FHIP2B: variants seen among roughly 807,000 people sequenced by gnomAD.
The protein encoded by FHIP2B is FHF complex subunit HOOK-interacting protein 2B.
Under a neutral mutation model 84.0 loss-of-function variants are expected in FHIP2B, and 72 were observed. The observed-to-expected ratio is 0.86, with a 90% CI of 0.71 to 1.04. The LOEUF (loss-of-function observed/expected upper bound fraction) is 1.04. Ranked by LOEUF, FHIP2B falls within the 50% of genes least tolerant of loss-of-function variation. The probability of loss-of-function intolerance (pLI) is 0.00; values close to 1 mark genes in which losing one functional copy is unlikely to be tolerated. For synonymous variants in FHIP2B, 497 were observed against 418.7 expected (o/e 1.19, Z -2.28); for missense variants, 972 against 968.9 (o/e 1.00, Z -0.04).
Position 22,090,156 on chromosome 8 carries a change from G to GC in FHIP2B, c.45+858_45+859insC, listed in dbSNP as rs1825406270. The stretch of plus-strand genomic sequence containing the variant: ...GGTGGGGGTATTCCCGGTAGGGTGG[G>GC]GGGGGTGCCCGCTGTTGAAAGTAAC... On this transcript the variant is annotated intron_variant, in intron 1 of 16. Coordinates refer to ENST00000289921, the MANE Select transcript of FHIP2B (RefSeq NM_022749.7). Among the ~76,000 whole-genome samples the GC allele has an allele frequency of 2.2e-5, 3 of 136,624 alleles. 1 individual carries two copies. The highest frequency in any genetic ancestry group is 7.9e-5 in the African/African-American group (3 of 37,916). 89.6% of individuals were successfully genotyped at this position (136,624 alleles called of 152,430 possible). A position where few individuals can be genotyped will look rare whatever the true frequency, so the allele number is the denominator to read the frequency against.
chr8:22,096,719 C>A, intron 3 of FHIP2B: 1 of 639,482 alleles, frequency 1.6e-6, no homozygotes, highest in Non-Finnish European at 2.4e-6. Flanking sequence ...CCAGTCCTGA[C>A]ACTGAAAGTG....
At position 22,104,831 on chromosome 8, in the gene FHIP2B, T is replaced by TAAAAAAAAAAAAAAAAAA. The variant is rs60525064; in HGVS notation, c.*1901_*1918dup. ...CTGGGCAATAGAGTAAGACCCTGTCTAAAAAAAAAAAAAAAAAATTTCACA... is the reference window on the plus strand; with the variant it reads ...CTGGGCAATAGAGTAAGACCCTGTCTAAAAAAAAAAAAAAAAAAAAAAAAAAAAAAAAAAAATTTCACA... On this transcript the variant is annotated 3_prime_UTR_variant, in exon 17 of 17. Coordinates refer to ENST00000289921, the MANE Select transcript of FHIP2B (RefSeq NM_022749.7). 7.9e-5 allele frequency: 10 copies of TAAAAAAAAAAAAAAAAAA among 126,500 alleles called. No homozygotes were observed. The highest frequency in any genetic ancestry group is 3.1e-4 in the African/African-American group (10 of 31,970). The allele number at this position is 126,500 out of a possible 1,614,324, so 7.8% of individuals were successfully genotyped here.
At chr8:22,095,997 G>A in intron 2 of FHIP2B, 1 of 191,496 alleles carries the variant, frequency 5.2e-6, no homozygotes. Context: ...GTCCACTCAG[G>A]CCCAGAGCTG....
intron 13 of FHIP2B, 68 bp from the exon 14 acceptor site, chr8:22,101,640 T>C: frequency 6.4e-7 from 1 of 1,561,084 alleles, no homozygotes; most frequent in Non-Finnish European, 8.7e-7. Context: ...CCATCCCTCC[T>C]GCGTGGGGCC....
intron 2 of FHIP2B, chr8:22,095,881 T>A (rs1825739560): frequency 6.5e-6 from 1 of 153,584 alleles, no homozygotes. Flanking sequence ...AAACAGAGGC[T>A]TGCCTTCTCT....
At chr8:22,091,869 G>T (rs1197879642) in intron 1 of FHIP2B, among the ~76,000 whole-genome samples, 1 of 152,170 alleles carries the variant, frequency 6.6e-6, no homozygotes, top group African/African-American at 2.4e-5. Context: ...ATCTCTCCAG[G>T]AGTTTCCTGA....
chr8:22,093,708 C>CTTTTTTTTTTTTTTTTTTTTTTT (rs59841460), intron 1 of FHIP2B, among the ~76,000 whole-genome samples: 1 of 66,462 alleles, frequency 1.5e-5, no homozygotes, highest in African/African-American at 6.3e-5. Context: ...AAAGCTTTGT[C>CTTTTTTTTTTTTTTTTTTTTTTT]TTTTTTTTTT....
At chr8:22,101,955 C>T in intron 14 of FHIP2B, 104 bp downstream of exon 14, 3 of 1,510,542 alleles carry the variant, frequency 2.0e-6, no homozygotes, top group Non-Finnish European at 1.8e-6. Context: ...TTCTTTGGTG[C>T]CACCCCTGTC....
At position 22,099,969 on chromosome 8, in the gene FHIP2B, C is replaced by A. The variant is rs1826014987; in HGVS notation, c.1341+76C>A. The A allele has an allele frequency of 2.1e-6, 3 of 1,430,208 alleles. No homozygotes were observed. The Admixed American group carries it at 8.9e-5, about 42-fold the overall frequency. 88.6% of individuals were successfully genotyped at this position (1,430,208 alleles called of 1,614,324 possible). The stretch of plus-strand genomic sequence containing the variant: ...GATTTCCTGAACACTCTTCCCATTT[C>A]ATTAGTGTTCCCAGTTGACTCCACC... On this transcript the variant is annotated intron_variant, in intron 10 of 16. Transcript: ENST00000289921.
At chr8:22,101,905 T>TC in intron 14 of FHIP2B, 54 bp downstream of exon 14, 1 of 1,590,148 alleles carries the variant, frequency 6.3e-7, no homozygotes, top group Non-Finnish European at 8.6e-7. Flanking sequence ...CTGGGGTCCT[T>TC]CAAGAGCAGA....
chr8:22,096,627 T>A, intron 3 of FHIP2B, 118 bp downstream of exon 3: 1 of 1,357,360 alleles, frequency 7.4e-7, no homozygotes, highest in Non-Finnish European at 9.6e-7. Flanking sequence ...ACCCTCTGAG[T>A]GCTGGGCCAG....
At position 22,104,831 on chromosome 8, in the gene FHIP2B, T is replaced by TAAAAAAA. The variant is rs60525064; in HGVS notation, c.*1912_*1918dup. On this transcript the variant is annotated 3_prime_UTR_variant, in exon 17 of 17. Coordinates refer to ENST00000289921, the MANE Select transcript of FHIP2B (RefSeq NM_022749.7). The stretch of plus-strand genomic sequence containing the variant: ...CTGGGCAATAGAGTAAGACCCTGTC[T>TAAAAAAA]AAAAAAAAAAAAAAAAAATTTCACA... 1 of 126,520 alleles carries TAAAAAAA rather than the reference T, an allele frequency of 7.9e-6. No homozygotes were observed. The allele number at this position is 126,520 out of a possible 1,614,324, so 7.8% of individuals were successfully genotyped here.
chr8:22,090,953 A>G (rs1825459457), intron 1 of FHIP2B, among the ~76,000 whole-genome samples: 1 of 152,186 alleles, frequency 6.6e-6, no homozygotes, highest in Non-Finnish European at 1.5e-5. Flanking sequence ...TGACAGAAGT[A>G]CAGGCATCAG....
rs1474830654 is a variant in FHIP2B at position 22,098,245 on chromosome 8, G to T, written c.703G>T (p.Glu235Ter). ...CAGCCACATGCCTGCTGAGACCGAG[G>T]AGCTGGACGGTGGGACCACAGAGAG... ...LNSHMPAETE[E>*]LDGGTTESNL... The change falls in exon 6 of 17, where the codon GAG becomes TAG. Residue 235 changes from glutamate to a stop codon, truncating the protein, a stop_gained. Coordinates refer to ENST00000289921, the MANE Select transcript of FHIP2B (RefSeq NM_022749.7). LOFTEE classifies it high-confidence loss of function. 2.5e-6 allele frequency: 4 copies of T among 1,593,728 alleles called. No individual in the cohort carries two copies. In the African/African-American group the frequency reaches 4.0e-5, roughly 16 times the overall value.
chr8:22,103,035 TC>T lies in FHIP2B; in HGVS notation c.*107del. 7.1e-7 allele frequency: 1 copy of T among 1,413,802 alleles called. No individual in the cohort carries two copies. The highest frequency in any genetic ancestry group is 9.5e-7 in the Non-Finnish European group (1 of 1,057,408). The allele number at this position is 1,413,802 out of a possible 1,614,324, so 87.6% of individuals were successfully genotyped here. A position where few individuals can be genotyped will look rare whatever the true frequency, so the allele number is the denominator to read the frequency against. On this transcript the variant is annotated 3_prime_UTR_variant, in exon 17 of 17. Transcript: ENST00000289921. ...TCCCCTCCTGGGATGGGGCTTCTGC[TC>T]CCGGGCTCACTCAAGGAGACTGCGG...
chr8:22,093,773 G>A (rs970265807), intron 1 of FHIP2B, among the ~76,000 whole-genome samples: 1 of 133,108 alleles, frequency 7.5e-6, no homozygotes, highest in Non-Finnish European at 1.5e-5. Flanking sequence ...CTGGAGTGCA[G>A]CGCTGCGATC....
chr8:22,099,984 T>C (rs544183930), intron 10 of FHIP2B, 91 bp downstream of exon 10: 1 of 1,344,826 alleles, frequency 7.4e-7, no homozygotes, highest in Admixed American at 3.2e-5. Flanking sequence ...GTGTTCCCAG[T>C]TGACTCCACC....
chr8:22,090,219 T>C (rs80173508), intron 1 of FHIP2B, among the ~76,000 whole-genome samples: 4,619 of 151,978 alleles, frequency 0.03, 120 homozygotes, highest in African/African-American at 0.074. Flanking sequence ...GCAATACTTC[T>C]GCCTCCTAGT....
chr8:22,101,448 G>C lies in FHIP2B; in HGVS notation c.1625G>C (p.Cys542Ser). 1 of 1,609,404 alleles carries C rather than the reference G, an allele frequency of 6.2e-7. No homozygotes were observed. Among genetic ancestry groups the C allele is most frequent in the Non-Finnish European group, 8.5e-7 (1 of 1,177,628 alleles). The part of the protein sequence containing the change: ...AVTEIVNSFL[C>S]LVPEEAKTSA... ...CGGCTTCTATCTCTCAGTTTCCTGT[G>C]CCTGGTCCCCGAGGAAGCCAAGACC... is the stretch of plus-strand genomic sequence containing the variant. Residue 542 changes from cysteine to serine, a missense_variant, in exon 13 of 17, where the codon TGC becomes TCC. Coordinates refer to ENST00000289921, the MANE Select transcript of FHIP2B (RefSeq NM_022749.7).
Sources: gnomAD v4.1 joint callset for allele counts (sites outside exome capture counted in the v4.1 genomes callset) on GRCh38, gnomAD v4.1.1 for gene constraint, MANE v1.5 for transcripts, NCBI Gene and HGNC (gene_info 2026-07-23, HGNC 2026-07-21) for gene names.